Variants in ADGRV1 observed in about 807,000 individuals in gnomAD.
ADGRV1 encodes G-protein coupled receptor 98.
In ADGRV1, 359 loss-of-function variants were observed where a neutral mutation model predicts 596.2. The observed-to-expected ratio is 0.60, with a 90% CI of 0.55 to 0.66. The LOEUF (loss-of-function observed/expected upper bound fraction) is 0.66, where lower values mean the gene tolerates loss of function less well. Among genes scored for constraint, ADGRV1 ranks in the 30% least tolerant of loss-of-function variants. The pLI is 0.00. For missense variants in ADGRV1, 7,274 were observed against 7,575.6 expected (o/e 0.96, Z 1.48); for synonymous variants, 2,681 against 2,679.2 (o/e 1.00, Z -0.02).
rs1183893505 is a variant in ADGRV1, at chr5:90,745,660, A to T, written c.10839A>T (p.Thr3613=). The change falls in exon 52 of 90, where the codon ACA becomes ACT. Residue 3613 remains threonine (T), a synonymous_variant. Coordinates refer to ENST00000405460, the MANE Select transcript of ADGRV1 (RefSeq NM_032119.4). ...TAGCAGTAAATATCCTTGATGATAC[A>T]GTTCCAGAAAAAGAAGAATCCTTCA... ...ATIAVNILDD[T]VPEKEESFKV... is the part of the protein sequence containing the mutation. The T allele has an allele frequency of 6.8e-6, 11 of 1,612,786 alleles. No homozygotes were observed. Among genetic ancestry groups the T allele is most frequent in the African/African-American group, 1.3e-5 (1 of 74,908 alleles).
chr5:90,729,612 T>C, intron 49 of ADGRV1, 30 bp from the exon 50 acceptor site: 1 of 1,546,872 alleles, frequency 6.5e-7, no homozygotes, highest in Non-Finnish European at 8.8e-7. Flanking sequence ...ACTTTTGCAT[T>C]AAGATTTGAC....
intron 87 of ADGRV1, among the ~76,000 whole-genome samples, chr5:91,104,942 C>T (rs144342986): frequency 0.012 from 1,833 of 151,154 alleles, 43 homozygotes; most frequent in African/African-American, 0.042. Context: ...TCACTGCAAC[C>T]TCCACTTCAG....
intron 21 of ADGRV1, among the ~76,000 whole-genome samples, chr5:90,668,240 T>C: frequency 6.6e-6 from 1 of 151,850 alleles, no homozygotes. Context: ...GATCTCAGAC[T>C]GCTGTGCTAG....
At chr5:90,973,510 A>G (rs181278633) in intron 84 of ADGRV1, among the ~76,000 whole-genome samples, 148 of 152,332 alleles carry the variant, frequency 9.7e-4, no homozygotes, top group African/African-American at 3.3e-3. Flanking sequence ...ACCATGATCA[A>G]GTGGACTTCA....
At position 91,035,807 on chromosome 5, in the gene ADGRV1, C is replaced by G. The variant is rs1211598566; in HGVS notation, c.18153-36640C>G. Among the ~76,000 whole-genome samples, 6 of 121,592 alleles carry G rather than the reference C, an allele frequency of 4.9e-5. No homozygotes were observed. The East Asian group carries it at 1.5e-3, about 30-fold the overall frequency. The allele number at this position is 121,592 out of a possible 152,430, so 79.8% of individuals were successfully genotyped here. On this transcript the variant is annotated intron_variant, in intron 85 of 89. Transcript: ENST00000405460. ...ATAATAATAATAACAATAATAATCTCTATCTCATATGGATGTTGTAAGTAA... is the reference window on the plus strand; with the variant it reads ...ATAATAATAATAACAATAATAATCTGTATCTCATATGGATGTTGTAAGTAA...
intron 29 of ADGRV1, among the ~76,000 whole-genome samples, chr5:90,689,418 A>C (rs115935432): frequency 0.034 from 4,857 of 141,742 alleles, 250 homozygotes; most frequent in African/African-American, 0.12. Flanking sequence ...AAGTCTTTTC[A>C]TGTCCAGCTG....
intron 34 of ADGRV1, among the ~76,000 whole-genome samples, chr5:90,700,864 C>T (rs1747823471): frequency 6.6e-6 from 1 of 152,068 alleles, no homozygotes; most frequent in Non-Finnish European, 1.5e-5. Context: ...GTCATGTATA[C>T]ACGAATCTAT....
rs746618021 is a variant in ADGRV1 at position 90,644,835 on chromosome 5, C to A, written c.2864C>A (p.Ser955Ter). The A allele has an allele frequency of 4.4e-6, 7 of 1,605,082 alleles. No individual in the cohort carries two copies. Among genetic ancestry groups the A allele is most frequent in the Admixed American group, 1.7e-5 (1 of 58,658 alleles). The change falls in exon 15 of 90, where the codon TCA (serine) becomes TAA (stop). Residue 955 changes from serine to a stop codon, truncating the protein, a stop_gained. Coordinates refer to ENST00000405460, the MANE Select transcript of ADGRV1 (RefSeq NM_032119.4). LOFTEE classifies it high-confidence loss of function. Reference sequence around the variant, plus strand: ...GTTGTCTTTGGAGATCAGGAATTTTCAAAAAATATCACCATTTACTCCCTT... The same window carrying A: ...GTTGTCTTTGGAGATCAGGAATTTTAAAAAAATATCACCATTTACTCCCTT... ...GTVVFGDQEF[S>*]KNITIYSLPD...
At chr5:90,665,011 T>A (rs1395634376) in intron 21 of ADGRV1, among the ~76,000 whole-genome samples, 1 of 151,854 alleles carries the variant, frequency 6.6e-6, no homozygotes, top group Admixed American at 6.6e-5. Context: ...TGGATTCGGT[T>A]TGCCAGTATT....
chr5:90,863,600 G>A (rs1767808426), intron 82 of ADGRV1, among the ~76,000 whole-genome samples, 157 bp from the exon 83 acceptor site: 1 of 152,182 alleles, frequency 6.6e-6, no homozygotes, highest in Admixed American at 6.5e-5. Flanking sequence ...ATGGAAAATG[G>A]AGTAGATTAC....
Position 90,783,893 on chromosome 5 carries a change from C to T in ADGRV1, c.13489C>T (p.Leu4497Phe), listed in dbSNP as rs1345469409. 1 of 1,611,940 alleles carries T rather than the reference C, an allele frequency of 6.2e-7. No individual in the cohort carries two copies. Residue 4497 changes from leucine (L) to phenylalanine (F), a missense_variant, in exon 67 of 90, where the codon CTT (leucine) becomes TTT (phenylalanine). Around this residue, in one of 5 missense-constraint regions of ADGRV1, gnomAD observed 3,643 missense variants for 3,809.2 expected, o/e 0.96. Coordinates refer to ENST00000405460, the MANE Select transcript of ADGRV1 (RefSeq NM_032119.4). ...CACTGGAGCTACTGGAGGAGCGGTC[C>T]TTGGGCGCCACCTAGTGAGCAGAAT... Reference protein sequence around the residue: ...LLTGATGGAVLGRHLVSRIII... With the variant: ...LLTGATGGAVFGRHLVSRIII...
Position 90,708,842 on chromosome 5 carries a change from T to C in ADGRV1, c.8757T>C (p.Tyr2919=), listed in dbSNP as rs759799899. The change falls in exon 39 of 90, where the codon TAT becomes TAC. Residue 2919 remains tyrosine (Y), a synonymous_variant. Transcript: ENST00000405460. ...ATGATGTACCAGAGCTAGAAGAATA[T>C]TTCCTGGTGAATTTAACTTACGTTG... The part of the protein sequence containing the change: ...LEDDVPELEE[Y]FLVNLTYVGL... 6 of 1,611,902 alleles carry C rather than the reference T, an allele frequency of 3.7e-6. No homozygotes were observed. The highest frequency in any genetic ancestry group is 4.2e-6 in the Non-Finnish European group (5 of 1,178,424).
At chr5:91,051,751 G>A (rs940004052) in intron 85 of ADGRV1, among the ~76,000 whole-genome samples, 2 of 151,866 alleles carry the variant, frequency 1.3e-5, no homozygotes, top group Admixed American at 6.6e-5. Context: ...GTTTCACGAC[G>A]TTAGCCAGGA....
At chr5:90,858,802 A>AT (rs1343397378) in intron 82 of ADGRV1, among the ~76,000 whole-genome samples, 3 of 151,994 alleles carry the variant, frequency 2.0e-5, no homozygotes, top group Admixed American at 2.0e-4. Flanking sequence ...ATCCTCAAGG[A>AT]TTTTTTTCCC....
At chr5:90,919,285 T>G (rs1773662525) in intron 83 of ADGRV1, among the ~76,000 whole-genome samples, 1 of 152,146 alleles carries the variant, frequency 6.6e-6, no homozygotes, top group South Asian at 2.1e-4. Flanking sequence ...TCCCAAACAA[T>G]GGATGAAAGA....
Position 90,778,527 on chromosome 5 carries a change from A to G in ADGRV1, c.12767A>G (p.Asn4256Ser), listed in dbSNP as rs750752068. 1 of 1,612,134 alleles carries G rather than the reference A, an allele frequency of 6.2e-7. No individual in the cohort carries two copies. The highest frequency in any genetic ancestry group is 1.3e-5 in the African/African-American group (1 of 74,604). ...GVLSESSSTA[N>S]ITVVASDSPY... is the part of the protein sequence containing the mutation. ...CTGAGTGAATCCAGCAGCACTGCCA[A>G]CATCACGGTGGTGGCCAGCGACTCT... The change falls in exon 63 of 90, where the codon AAC (asparagine) becomes AGC (serine). Residue 4256 changes from asparagine (N) to serine (S), a missense_variant. This residue lies in a region of ADGRV1 where 3,643 missense variants were observed against 3,809.2 expected (regional missense o/e 0.96). Transcript: ENST00000405460.
intron 1 of ADGRV1, among the ~76,000 whole-genome samples, chr5:90,587,069 AACTG>A (rs1758843989): frequency 6.6e-6 from 1 of 152,194 alleles, no homozygotes; most frequent in African/African-American, 2.4e-5. Context: ...GTGGCCATTG[AACTG>A]ACTTTCTTTC....
chr5:90,675,172 TC>T, intron 23 of ADGRV1, 70 bp from the exon 24 acceptor site: 1 of 1,304,392 alleles, frequency 7.7e-7, no homozygotes, highest in Non-Finnish European at 1.1e-6. Context: ...TTGTGTAAGA[TC>T]GCTTTAATTG....
intron 87 of ADGRV1, among the ~76,000 whole-genome samples, chr5:91,126,897 C>A (rs1485946863): frequency 6.6e-6 from 1 of 152,126 alleles, no homozygotes; most frequent in Non-Finnish European, 1.5e-5. Context: ...AGGCAGCAAG[C>A]AGCATACCCA....
Sources: gnomAD v4.1 joint callset for allele counts (sites outside exome capture counted in the v4.1 genomes callset) on GRCh38, gnomAD v4.1.1 for gene constraint, gnomAD v4.1.1 regional missense constraint, MANE v1.5 for transcripts, NCBI Gene and HGNC (gene_info 2026-07-23, HGNC 2026-07-21) for gene names.